Variants in GPR52 observed in about 807,000 individuals in gnomAD.
GPR52 encodes G protein-coupled receptor 52, also known as probable G-protein coupled receptor 52.
Under a neutral mutation model 24.0 loss-of-function variants are expected in GPR52, and 8 were observed. The ratio of observed to expected loss-of-function variants is 0.33; its 90% CI spans 0.20 to 0.60. The LOEUF (loss-of-function observed/expected upper bound fraction) is 0.60. Ranked by LOEUF, GPR52 falls within the 20% of genes least tolerant of loss-of-function variation. The pLI is 0.82. For synonymous variants in GPR52, 144 were observed against 158.1 expected (o/e 0.91, Z 0.67); for missense variants, 412 against 447.7 (o/e 0.92, Z 0.72).
At position 174,448,412 on chromosome 1, in the gene GPR52, C is replaced by G. The variant is rs147709761; in HGVS notation, c.301C>G (p.Leu101Val). 6.2e-7 allele frequency: 1 copy of G among 1,612,938 alleles called. No individual in the cohort carries two copies. The highest frequency in any genetic ancestry group is 8.5e-7 in the Non-Finnish European group (1 of 1,178,912). ...GVSCLVPTLS[L>V]LHYSTGVHES... ...TAGCTGCTTGGTTCCTACTCTGTCA[C>G]TTCTCCACTACTCCACAGGTGTCCA... Residue 101 changes from leucine (L) to valine (V), a missense_variant, in exon 1 of 1, where the codon CTT (leucine) becomes GTT (valine). Physicochemically the swap from Leu to Val is conservative, Grantham distance 32 (BLOSUM62 1). Coordinates refer to ENST00000367685, the MANE Select transcript of GPR52 (RefSeq NM_005684.5). The surrounding 1 kb of genome is among the most constrained non-coding windows in gnomAD (Gnocchi z 4.2).
In GPR52 at chr1:174,448,606, C is replaced by G; in HGVS notation, c.495C>G (p.Ile165Met). 1 of 1,613,968 alleles carries G rather than the reference C, an allele frequency of 6.2e-7. No individual in the cohort carries two copies. The highest frequency in any genetic ancestry group is 8.5e-7 in the Non-Finnish European group (1 of 1,179,854). Residue 165 changes from isoleucine to methionine, a missense_variant, in exon 1 of 1, where the codon ATC (isoleucine) becomes ATG (methionine). Ile to Met is a conservative substitution (Grantham distance 10). Coordinates refer to ENST00000367685, the MANE Select transcript of GPR52 (RefSeq NM_005684.5). The surrounding 1 kb of genome is among the most constrained non-coding windows in gnomAD (Gnocchi z 4.2). ...GCTTGAGAATTTGCATTATTTTGAT[C>G]TGGATCTACTCCTGCCTAATTTTCT... Reference protein sequence around the residue: ...PCRLRICIILIWIYSCLIFLP... With the variant: ...PCRLRICIILMWIYSCLIFLP...
rs1401293842 is a variant in GPR52 at position 174,449,110 on chromosome 1, G to A, written c.999G>A (p.Glu333=). Residue 333 remains glutamate (E), a synonymous_variant, in exon 1 of 1, where the codon GAG becomes GAA. Coordinates refer to ENST00000367685, the MANE Select transcript of GPR52 (RefSeq NM_005684.5). ...GGCTAGGCCTCCGAAGACTGTCTGA[G>A]ACAATGTGCACATCCTGTATGTGTG... ...VFRLGLRRLS[E]TMCTSCMCVK... is the part of the protein sequence containing the mutation. 1.2e-6 allele frequency: 2 copies of A among 1,613,818 alleles called. No individual in the cohort carries two copies. The highest frequency in any genetic ancestry group is 1.7e-5 in the Admixed American group (1 of 60,008).
rs142536057 is a variant in GPR52 at position 174,448,556 on chromosome 1, T to C, written c.445T>C (p.Tyr149His). Residue 149 changes from tyrosine (Y) to histidine (H), a missense_variant, in exon 1 of 1, where the codon TAC (tyrosine) becomes CAC (histidine). By Grantham distance (83) the Tyr-to-His change is moderately conservative. Coordinates refer to ENST00000367685, the MANE Select transcript of GPR52 (RefSeq NM_005684.5). This position sits in a 1 kb window ranked among gnomAD's most constrained non-coding sequence, Gnocchi z 4.2. ...TCTTGCAATAACCAAGCCTCTTTCC[T>C]ACAATCAACTGGTCACCCCTTGTCG... is the stretch of plus-strand genomic sequence containing the variant. ...RYLAITKPLS[Y>H]NQLVTPCRLR... 6.2e-7 allele frequency: 1 copy of C among 1,613,450 alleles called. No individual in the cohort carries two copies. The highest frequency in any genetic ancestry group is 8.5e-7 in the Non-Finnish European group (1 of 1,179,408).
In GPR52 at chr1:174,448,601, T is replaced by C. The variant is rs924100685; in HGVS notation, c.490T>C (p.Leu164=). The change falls in exon 1 of 1, where the codon TTG becomes CTG. Residue 164 remains leucine, a synonymous_variant. Coordinates refer to ENST00000367685, the MANE Select transcript of GPR52 (RefSeq NM_005684.5). The surrounding 1 kb of genome is among the most constrained non-coding windows in gnomAD (Gnocchi z 4.2). ...TPCRLRICII[L]IWIYSCLIFL... ...TTGTCGCTTGAGAATTTGCATTATT[T>C]TGATCTGGATCTACTCCTGCCTAAT... is the stretch of plus-strand genomic sequence containing the variant. 8 of 1,614,110 alleles carry C rather than the reference T, an allele frequency of 5.0e-6. No homozygotes were observed. The highest frequency in any genetic ancestry group is 6.8e-6 in the Non-Finnish European group (8 of 1,179,946).
Position 174,448,420 on chromosome 1 carries a change from C to G in GPR52, c.309C>G (p.His103Gln). 1 of 1,612,514 alleles carries G rather than the reference C, an allele frequency of 6.2e-7. No homozygotes were observed. The highest frequency in any genetic ancestry group is 8.5e-7 in the Non-Finnish European group (1 of 1,178,484). ...SCLVPTLSLLHYSTGVHESLT... is the reference protein window; with the variant it reads ...SCLVPTLSLLQYSTGVHESLT... Reference sequence around the variant, plus strand: ...TGGTTCCTACTCTGTCACTTCTCCACTACTCCACAGGTGTCCACGAGTCAT... The same window carrying G: ...TGGTTCCTACTCTGTCACTTCTCCAGTACTCCACAGGTGTCCACGAGTCAT... The change falls in exon 1 of 1, where the codon CAC becomes CAG. Residue 103 changes from histidine to glutamine, a missense_variant. Physicochemically the swap from His to Gln is conservative, Grantham distance 24. Coordinates refer to ENST00000367685, the MANE Select transcript of GPR52 (RefSeq NM_005684.5). The surrounding 1 kb of genome is among the most constrained non-coding windows in gnomAD (Gnocchi z 4.2).
chr1:174,448,748 G>T lies in GPR52; in HGVS notation c.637G>T (p.Ala213Ser). The change falls in exon 1 of 1, where the codon GCT (alanine) becomes TCT (serine). Residue 213 changes from alanine to serine, a missense_variant. Physicochemically the swap from Ala to Ser is moderately conservative, Grantham distance 99. Transcript: ENST00000367685. The surrounding 1 kb of genome is among the most constrained non-coding windows in gnomAD (Gnocchi z 4.2). ...TGGCTTTATTGTTTGTTTACTTTAT[G>T]CTCCTGCTGCCTTTGTTGTCTGCTT... ...FTGFIVCLLYAPAAFVVCFTY... is the reference protein window; with the variant it reads ...FTGFIVCLLYSPAAFVVCFTY... 1 of 1,613,714 alleles carries T rather than the reference G, an allele frequency of 6.2e-7. No homozygotes were observed. Among genetic ancestry groups the T allele is most frequent in the Admixed American group, 1.7e-5 (1 of 59,966 alleles).
At position 174,448,072 on chromosome 1, in the gene GPR52, G is replaced by A; in HGVS notation, c.-40G>A. ...CAGATGCTGGGCAGGGCATCTGCTTGCTGTAGCCAAGTCTGCAGGTGTCTT... is the reference window on the plus strand; with the variant it reads ...CAGATGCTGGGCAGGGCATCTGCTTACTGTAGCCAAGTCTGCAGGTGTCTT... On this transcript the variant is annotated 5_prime_UTR_variant, in exon 1 of 1. Transcript: ENST00000367685. The surrounding 1 kb of genome is among the most constrained non-coding windows in gnomAD (Gnocchi z 4.2). 6.4e-7 allele frequency: 1 copy of A among 1,565,938 alleles called. No homozygotes were observed. The highest frequency in any genetic ancestry group is 2.2e-5 in the East Asian group (1 of 44,616).
chr1:174,449,040 GT>G lies in GPR52; in HGVS notation c.934del (p.Cys312ValfsTer4). On this transcript the variant is annotated frameshift_variant, in exon 1 of 1. Transcript: ENST00000367685. LOFTEE classifies it high-confidence loss of function. Reference protein sequence around the residue: ...FLTTWLAISNSFCNCVIYSLS... With the variant: ...FLTTWLAISNXFCNCVIYSLS... ...ACAACCTGGCTTGCAATAAGTAATAGTTTTTGTAACTGTGTAATATACAGCC... is the reference window on the plus strand; with the variant it reads ...ACAACCTGGCTTGCAATAAGTAATAGTTTTGTAACTGTGTAATATACAGCC... The G allele has an allele frequency of 6.2e-7, 1 of 1,613,976 alleles. No individual in the cohort carries two copies. The highest frequency in any genetic ancestry group is 8.5e-7 in the Non-Finnish European group (1 of 1,179,878).
chr1:174,448,979 T>C lies in GPR52; in HGVS notation c.868T>C (p.Ser290Pro). 1 of 1,613,528 alleles carries C rather than the reference T, an allele frequency of 6.2e-7. No homozygotes were observed. Among genetic ancestry groups the C allele is most frequent in the Non-Finnish European group, 8.5e-7 (1 of 1,179,438 alleles). The change falls in exon 1 of 1, where the codon TCC (serine) becomes CCC (proline). Residue 290 changes from serine (S) to proline (P), a missense_variant. Coordinates refer to ENST00000367685, the MANE Select transcript of GPR52 (RefSeq NM_005684.5). This position sits in a 1 kb window ranked among gnomAD's most constrained non-coding sequence, Gnocchi z 4.2. ...TATAATTTACTTTCTTCTAGAAAGC[T>C]CCCGGGTCTTGGACAATCCAACTCT... The part of the protein sequence containing the change: ...PYIIYFLLES[S>P]RVLDNPTLSF...
Position 174,448,353 on chromosome 1 carries a change from A to G in GPR52, c.242A>G (p.Gln81Arg). ...CATTATACTACCAGCTATTTCATTC[A>G]GACGATGGCATATGCTGATCTTTTC... is the stretch of plus-strand genomic sequence containing the variant. ...LHHYTTSYFI[Q>R]TMAYADLFVG... is the part of the protein sequence containing the mutation. Residue 81 changes from glutamine to arginine, a missense_variant, in exon 1 of 1, where the codon CAG becomes CGG. Coordinates refer to ENST00000367685, the MANE Select transcript of GPR52 (RefSeq NM_005684.5). This position sits in a 1 kb window ranked among gnomAD's most constrained non-coding sequence, Gnocchi z 4.2. 1 of 1,613,986 alleles carries G rather than the reference A, an allele frequency of 6.2e-7. No individual in the cohort carries two copies. Among genetic ancestry groups the G allele is most frequent in the Non-Finnish European group, 8.5e-7 (1 of 1,179,854 alleles).
rs779648374 is a variant in GPR52 at position 174,449,202 on chromosome 1, A to C, written c.*5A>C. On this transcript the variant is annotated 3_prime_UTR_variant, in exon 1 of 1. Transcript: ENST00000367685. ...GCTAATTCTTGCTCCATTTGAAGAG[A>C]GCTACATAGTAAATCAAATGTAATC... is the stretch of plus-strand genomic sequence containing the variant. The C allele has an allele frequency of 3.2e-6, 5 of 1,561,626 alleles. No individual in the cohort carries two copies. Among genetic ancestry groups the C allele is most frequent in the Non-Finnish European group, 4.3e-6 (5 of 1,158,754 alleles).
Position 174,449,114 on chromosome 1 carries a change from A to T in GPR52, c.1003A>T (p.Met335Leu), listed in dbSNP as rs900153386. 16 of 1,613,748 alleles carry T rather than the reference A, an allele frequency of 9.9e-6. No homozygotes were observed. The African/African-American group carries it at 1.7e-4, about 18-fold the overall frequency. ...AGGCCTCCGAAGACTGTCTGAGACA[A>T]TGTGCACATCCTGTATGTGTGTGAA... is the stretch of plus-strand genomic sequence containing the variant. ...RLGLRRLSET[M>L]CTSCMCVKDQ... The change falls in exon 1 of 1, where the codon ATG (methionine) becomes TTG (leucine). Residue 335 changes from methionine to leucine, a missense_variant. Physicochemically the swap from Met to Leu is conservative, Grantham distance 15. Transcript: ENST00000367685.
chr1:174,448,637 T>G lies in GPR52; in HGVS notation c.526T>G (p.Ser176Ala), dbSNP rs1655071806. 5.0e-6 allele frequency: 8 copies of G among 1,614,016 alleles called. No individual in the cohort carries two copies. The highest frequency in any genetic ancestry group is 2.2e-5 in the South Asian group (2 of 91,078). Residue 176 changes from serine to alanine, a missense_variant, in exon 1 of 1, where the codon TCC becomes GCC. Physicochemically the swap from Ser to Ala is moderately conservative, Grantham distance 99 (BLOSUM62 1). Coordinates refer to ENST00000367685, the MANE Select transcript of GPR52 (RefSeq NM_005684.5). This position sits in a 1 kb window ranked among gnomAD's most constrained non-coding sequence, Gnocchi z 4.2. ...WIYSCLIFLP[S>A]FFGWGKPGYH... ...CTACTCCTGCCTAATTTTCTTGCCT[T>G]CCTTTTTTGGCTGGGGGAAACCTGG...
chr1:174,448,872 A>T lies in GPR52; in HGVS notation c.761A>T (p.Glu254Val). 1 of 1,613,838 alleles carries T rather than the reference A, an allele frequency of 6.2e-7. No homozygotes were observed. The highest frequency in any genetic ancestry group is 8.5e-7 in the Non-Finnish European group (1 of 1,179,730). Reference sequence around the variant, plus strand: ...AGTCATGAGGTAGATTCTTCCAGAGAGACTGGACACAGCCCTGACCGTCGC... The same window carrying T: ...AGTCATGAGGTAGATTCTTCCAGAGTGACTGGACACAGCCCTGACCGTCGC... ...FPSHEVDSSR[E>V]TGHSPDRRYA... Residue 254 changes from glutamate to valine, a missense_variant, in exon 1 of 1, where the codon GAG becomes GTG. Coordinates refer to ENST00000367685, the MANE Select transcript of GPR52 (RefSeq NM_005684.5). This position sits in a 1 kb window ranked among gnomAD's most constrained non-coding sequence, Gnocchi z 4.2.
chr1:174,448,656 A>T lies in GPR52; in HGVS notation c.545A>T (p.Lys182Ile). The T allele has an allele frequency of 6.2e-7, 1 of 1,613,818 alleles. No homozygotes were observed. Among genetic ancestry groups the T allele is most frequent in the Non-Finnish European group, 8.5e-7 (1 of 1,179,764 alleles). Residue 182 changes from lysine to isoleucine, a missense_variant, in exon 1 of 1, where the codon AAA becomes ATA. Transcript: ENST00000367685. The surrounding 1 kb of genome is among the most constrained non-coding windows in gnomAD (Gnocchi z 4.2). ...IFLPSFFGWG[K>I]PGYHGDIFEW... Reference sequence around the variant, plus strand: ...TTGCCTTCCTTTTTTGGCTGGGGGAAACCTGGTTACCATGGTGACATTTTT... The same window carrying T: ...TTGCCTTCCTTTTTTGGCTGGGGGATACCTGGTTACCATGGTGACATTTTT...
chr1:174,448,859 G>C lies in GPR52; in HGVS notation c.748G>C (p.Asp250His), dbSNP rs763083763. Residue 250 changes from aspartate (D) to histidine (H), a missense_variant, in exon 1 of 1, where the codon GAT becomes CAT. Asp to His is a moderately conservative substitution (Grantham distance 81, BLOSUM62 -1). Coordinates refer to ENST00000367685, the MANE Select transcript of GPR52 (RefSeq NM_005684.5). This position sits in a 1 kb window ranked among gnomAD's most constrained non-coding sequence, Gnocchi z 4.2. The stretch of plus-strand genomic sequence containing the variant: ...AGCCCGATTCCCTAGTCATGAGGTA[G>C]ATTCTTCCAGAGAGACTGGACACAG... ...RRARFPSHEV[D>H]SSRETGHSPD... The C allele has an allele frequency of 3.1e-6, 5 of 1,614,060 alleles. No homozygotes were observed. In the South Asian group the frequency reaches 4.4e-5, roughly 14 times the overall value.
rs1655132232 is a variant in GPR52 at position 174,449,078 on chromosome 1, G to A, written c.967G>A (p.Val323Ile). The A allele has an allele frequency of 8.1e-6, 13 of 1,614,038 alleles. No individual in the cohort carries two copies. Among genetic ancestry groups the A allele is most frequent in the Non-Finnish European group, 1.1e-5 (13 of 1,179,934 alleles). The change falls in exon 1 of 1, where the codon GTT becomes ATT. Residue 323 changes from valine to isoleucine, a missense_variant. Val to Ile is a conservative substitution (Grantham distance 29). Transcript: ENST00000367685. The stretch of plus-strand genomic sequence containing the variant: ...TGTAATATACAGCCTCTCCAACAGC[G>A]TTTTCCGGCTAGGCCTCCGAAGACT... Reference protein sequence around the residue: ...NCVIYSLSNSVFRLGLRRLSE... With the variant: ...NCVIYSLSNSIFRLGLRRLSE...
Position 174,449,229 on chromosome 1 carries a change from G to T in GPR52, c.*32G>T. ...CTACATAGTAAATCAAATGTAATCTGACAGTGGTTTTGGATCATATTCTAG... is the reference window on the plus strand; with the variant it reads ...CTACATAGTAAATCAAATGTAATCTTACAGTGGTTTTGGATCATATTCTAG... On this transcript the variant is annotated 3_prime_UTR_variant, in exon 1 of 1. Transcript: ENST00000367685. 1.3e-6 allele frequency: 2 copies of T among 1,516,868 alleles called. No individual in the cohort carries two copies. The highest frequency in any genetic ancestry group is 1.4e-5 in the African/African-American group (1 of 71,786). 94.0% of individuals were successfully genotyped at this position (1,516,868 alleles called of 1,614,324 possible).
chr1:174,448,037 C>A lies in GPR52; in HGVS notation c.-75C>A. On this transcript the variant is annotated 5_prime_UTR_variant, in exon 1 of 1. It introduces an in-frame stop codon into an upstream open reading frame of the 5' UTR. Transcript: ENST00000367685. The surrounding 1 kb of genome is among the most constrained non-coding windows in gnomAD (Gnocchi z 4.2). ...AAGCAGGTTCTGAAACACTCATGTG[C>A]GGTGTTTAACAGATGCTGGGCAGGG... 1 of 1,230,712 alleles carries A rather than the reference C, an allele frequency of 8.1e-7. No individual in the cohort carries two copies. The highest frequency in any genetic ancestry group is 1.2e-6 in the Non-Finnish European group (1 of 861,502). 76.2% of individuals were successfully genotyped at this position (1,230,712 alleles called of 1,614,324 possible).
Sources: allele counts gnomAD v4.1 joint callset, GRCh38; gene constraint gnomAD v4.1.1; non-coding constraint Gnocchi (gnomAD v3.1); transcripts MANE v1.5; gene names NCBI Gene and HGNC (gene_info 2026-07-23, HGNC 2026-07-21).